Variants in GNA12 observed in about 807,000 individuals in gnomAD.
GNA12 encodes the protein G protein subunit alpha 12.
A neutral mutation model predicts 26.0 loss-of-function variants in GNA12; 9 were observed. The observed-to-expected ratio is 0.35, with a 90% CI of 0.21 to 0.60. The LOEUF (loss-of-function observed/expected upper bound fraction) is 0.60, where lower values mean the gene tolerates loss of function less well. GNA12 is among the 20% of genes least tolerant of loss of function. The pLI is 0.78. For missense variants in GNA12, 405 were observed against 525.8 expected (o/e 0.77, Z 2.25); for synonymous variants, 264 against 219.6 (o/e 1.20, Z -1.79).
At position 2,733,516 on chromosome 7, in the gene GNA12, G is replaced by A. The variant is rs1339822578; in HGVS notation, c.526-15C>T. The A allele has an allele frequency of 6.2e-7, 1 of 1,608,458 alleles. No homozygotes were observed. Among genetic ancestry groups the A allele is most frequent in the South Asian group, 1.1e-5 (1 of 90,754 alleles). ...ACCGACTCCCCCTGTCAGGAAGGAAGAATATTCACAGCTCAGTCTGGACTG... is the reference window on the plus strand; with the variant it reads ...ACCGACTCCCCCTGTCAGGAAGGAAAAATATTCACAGCTCAGTCTGGACTG... On this transcript the variant is annotated splice_polypyrimidine_tract_variant and intron_variant, in intron 2 of 3. Coordinates refer to ENST00000275364, the MANE Select transcript of GNA12 (RefSeq NM_007353.3).
chr7:2,781,715 C>T (rs192373428), intron 2 of GNA12, among the ~76,000 whole-genome samples: 3 of 151,936 alleles, frequency 2.0e-5, no homozygotes, highest in East Asian at 1.9e-4. Context: ...CATGGGTGGG[C>T]GTACAAAAAT....
At chr7:2,759,450 G>C (rs1791457265) in intron 2 of GNA12, among the ~76,000 whole-genome samples, 1 of 152,198 alleles carries the variant, frequency 6.6e-6, no homozygotes, top group African/African-American at 2.4e-5. Context: ...GGAAGACTGA[G>C]ACAAAGTGGT....
intron 1 of GNA12, among the ~76,000 whole-genome samples, chr7:2,818,200 G>A (rs868372723): frequency 6.6e-6 from 1 of 152,128 alleles, no homozygotes; most frequent in Non-Finnish European, 1.5e-5. Context: ...TTAAAAAACT[G>A]GCCATCTGAC....
intron 2 of GNA12, among the ~76,000 whole-genome samples, chr7:2,757,509 T>C (rs1183458531): frequency 6.6e-6 from 1 of 152,066 alleles, no homozygotes; most frequent in African/African-American, 2.4e-5. Context: ...ACTCTGCCAG[T>C]ACCAGTGAGC....
intron 1 of GNA12, among the ~76,000 whole-genome samples, chr7:2,830,242 AT>A (rs1332890954): frequency 2.0e-5 from 3 of 152,318 alleles, no homozygotes; most frequent in Admixed American, 6.5e-5. Context: ...ACACCCTAGA[AT>A]CTTCTTTTTG....
intron 1 of GNA12, among the ~76,000 whole-genome samples, chr7:2,797,537 T>G (rs972178798): frequency 1.2e-4 from 19 of 152,164 alleles, no homozygotes; most frequent in African/African-American, 4.3e-4. Context: ...ACTTAATGAT[T>G]TTTAGTTGGC....
intron 3 of GNA12, among the ~76,000 whole-genome samples, chr7:2,732,616 A>G (rs1002638225): frequency 6.6e-6 from 1 of 152,214 alleles, no homozygotes; most frequent in Admixed American, 6.5e-5. Context: ...CACACCACTC[A>G]GGCAGCTTCT....
rs372074804 is a variant in GNA12 at position 2,806,694 on chromosome 7, C to T, written c.310-11551G>A. ...CTTTAAAATTTTTCTAGCGATGTAT[C>T]GTAAACACTTTCCTATGTCATTCAA... On this transcript the variant is annotated intron_variant, in intron 1 of 3. Transcript: ENST00000275364. Among the ~76,000 whole-genome samples, 30 of 152,196 alleles carry T rather than the reference C, an allele frequency of 2.0e-4. No individual in the cohort carries two copies. In the South Asian group the frequency reaches 6.0e-3, roughly 30 times the overall value.
chr7:2,810,993 C>T (rs1793068913), intron 1 of GNA12, among the ~76,000 whole-genome samples: 1 of 152,174 alleles, frequency 6.6e-6, no homozygotes, highest in Non-Finnish European at 1.5e-5. Flanking sequence ...CAGGGACACC[C>T]AGGCCCGCAG....
chr7:2,818,817 G>A (rs1793281636), intron 1 of GNA12, among the ~76,000 whole-genome samples: 1 of 149,280 alleles, frequency 6.7e-6, no homozygotes, highest in Admixed American at 6.8e-5. Flanking sequence ...ACTCAAAGTG[G>A]CCTCTCCCAC....
At chr7:2,760,189 G>A (rs1336185668) in intron 2 of GNA12, among the ~76,000 whole-genome samples, 1 of 152,222 alleles carries the variant, frequency 6.6e-6, no homozygotes, top group Non-Finnish European at 1.5e-5. Context: ...TGGGGAAGGA[G>A]TGGAGATTGA....
At position 2,775,917 on chromosome 7, in the gene GNA12, G is replaced by C. The variant is rs549601553; in HGVS notation, c.525+19011C>G. Among the ~76,000 whole-genome samples the C allele has an allele frequency of 1.2e-3, 180 of 152,344 alleles. 1 individual carries two copies. The highest frequency in any genetic ancestry group is 3.6e-3 in the African/African-American group (150 of 41,588). ...CCGTACTGTGGAAAAGGTCCGTACA[G>C]CTAGGCTTAATGCAGCCATTCTGCC... On this transcript the variant is annotated intron_variant, in intron 2 of 3. Coordinates refer to ENST00000275364, the MANE Select transcript of GNA12 (RefSeq NM_007353.3).
intron 1 of GNA12, among the ~76,000 whole-genome samples, chr7:2,800,695 A>G (rs902880877): frequency 6.6e-6 from 1 of 152,246 alleles, no homozygotes; most frequent in African/African-American, 2.4e-5. Flanking sequence ...GAGGCTTGCT[A>G]AAACCCTAAC....
chr7:2,745,068 G>A (rs924553098), intron 2 of GNA12, among the ~76,000 whole-genome samples: 3 of 152,228 alleles, frequency 2.0e-5, no homozygotes, highest in Non-Finnish European at 2.9e-5. Flanking sequence ...GTGACAGGGA[G>A]AATGGAACCA....
chr7:2,825,192 A>G (rs544812338), intron 1 of GNA12, among the ~76,000 whole-genome samples: 1 of 152,354 alleles, frequency 6.6e-6, no homozygotes, highest in South Asian at 2.1e-4. Flanking sequence ...GTGTGGGGGA[A>G]GCCCGAGAAA....
chr7:2,763,894 A>G (rs2115407129), intron 2 of GNA12, among the ~76,000 whole-genome samples: 1 of 152,330 alleles, frequency 6.6e-6, no homozygotes, highest in African/African-American at 2.4e-5. Context: ...GAAGGAGCTC[A>G]GCTGAGCTGT....
intron 2 of GNA12, among the ~76,000 whole-genome samples, chr7:2,792,757 T>C (rs1792552395): frequency 6.6e-6 from 1 of 152,208 alleles, no homozygotes; most frequent in African/African-American, 2.4e-5. Flanking sequence ...CCTTAACTGT[T>C]AAAGTTAACT....
intron 2 of GNA12, among the ~76,000 whole-genome samples, chr7:2,783,829 C>A (rs977824539): frequency 6.6e-6 from 1 of 151,886 alleles, no homozygotes; most frequent in Admixed American, 6.6e-5. Context: ...GGATTACAGG[C>A]ACCCACCACC....
intron 2 of GNA12, among the ~76,000 whole-genome samples, chr7:2,755,250 T>C (rs1409965018): frequency 2.0e-5 from 3 of 152,234 alleles, no homozygotes; most frequent in South Asian, 2.1e-4. Context: ...TTCCAGTGCC[T>C]TTCCGCATAC....
Sources: allele counts gnomAD v4.1 joint callset (sites outside exome capture counted in the v4.1 genomes callset), GRCh38; gene constraint gnomAD v4.1.1; transcripts MANE v1.5; gene names NCBI Gene and HGNC (gene_info 2026-07-23, HGNC 2026-07-21).